Variants in PLXNC1 observed in about 807,000 individuals in gnomAD.
PLXNC1 encodes plexin-C1.
In PLXNC1, 75 loss-of-function variants were observed where a neutral mutation model predicts 178.2. The observed-to-expected ratio is 0.42, with a 90% CI of 0.35 to 0.51. The LOEUF (loss-of-function observed/expected upper bound fraction) is 0.51, where lower values mean the gene tolerates loss of function less well. Ranked by LOEUF, PLXNC1 falls within the 20% of genes least tolerant of loss-of-function variation. The pLI is 0.02. For synonymous variants in PLXNC1, 790 were observed against 779.9 expected, an observed-to-expected ratio of 1.01 and a Z score of -0.22; for missense variants, 1,503 against 1,984.4, an observed-to-expected ratio of 0.76 and a Z score of 4.61.
intron 4 of PLXNC1, among the ~76,000 whole-genome samples, chr12:94,207,274 A>G (rs1963328960): frequency 6.6e-6 from 1 of 152,126 alleles, no homozygotes; most frequent in African/African-American, 2.4e-5. Flanking sequence ...TAGTTGCTTA[A>G]CATGGTTAGA....
chr12:94,241,167 T>G lies in PLXNC1; in HGVS notation c.2300+503T>G, dbSNP rs118072428. On this transcript the variant is annotated intron_variant, in intron 11 of 30. Transcript: ENST00000258526. ...AAATCCAATATGTTAAGAAAAACAT[T>G]TATCTCCCTAGTTGAATTTTTAAAT... Among the ~76,000 whole-genome samples, 1,279 of 152,290 alleles carry G rather than the reference T, an allele frequency of 8.4e-3. 7 individuals are homozygous for G. The highest frequency in any genetic ancestry group is 0.013 in the Non-Finnish European group (914 of 68,022).
intron 18 of PLXNC1, 65 bp downstream of exon 18, chr12:94,259,440 A>G: frequency 1.6e-6 from 2 of 1,286,878 alleles, no homozygotes; most frequent in South Asian, 2.7e-5. Context: ...TATCATCATC[A>G]CTATCATCTC....
intron 4 of PLXNC1, among the ~76,000 whole-genome samples, chr12:94,208,554 G>T (rs1489806949): frequency 1.3e-5 from 2 of 152,164 alleles, no homozygotes; most frequent in Admixed American, 6.5e-5. Context: ...GCTGAATGTG[G>T]TCATCATTTG....
At chr12:94,156,704 CTTTCTTT>C (rs1202236045) in intron 1 of PLXNC1, among the ~76,000 whole-genome samples, 43 of 129,950 alleles carry the variant, frequency 3.3e-4, no homozygotes, top group African/African-American at 8.9e-4. Flanking sequence ...TGGAAACTTT[CTTTCTTT>C]TTTTTTTTTT....
At chr12:94,296,171 CTTTATT>C (rs1175007434) in intron 24 of PLXNC1, among the ~76,000 whole-genome samples, 2 of 152,098 alleles carry the variant, frequency 1.3e-5, no homozygotes, top group African/African-American at 2.4e-5. Context: ...TCTCTCTCAT[CTTTATT>C]TTTAAGACAG....
rs764109569 is a variant in PLXNC1, at chr12:94,254,848, A to G, written c.2943A>G (p.Leu981=). 4 of 1,612,086 alleles carry G rather than the reference A, an allele frequency of 2.5e-6. No homozygotes were observed. In the South Asian group the frequency reaches 4.4e-5, roughly 18 times the overall value. The change falls in exon 16 of 31, where the codon CTA becomes CTG. Residue 981 remains leucine (L), a synonymous_variant. Transcript: ENST00000258526. The stretch of plus-strand genomic sequence containing the variant: ...TGAGTCGCAAACAGAGTCAACAACT[A>G]GAATTGCTGGAAAGCGAGCTCCGGA... ...KELSRKQSQQ[L]ELLESELRKE...
chr12:94,258,102 G>A (rs1306340027), intron 17 of PLXNC1, among the ~76,000 whole-genome samples: 1 of 152,034 alleles, frequency 6.6e-6, no homozygotes, highest in Non-Finnish European at 1.5e-5. Context: ...ACTCCTGCCC[G>A]GGCGACAGAG....
chr12:94,259,192 T>C (rs1313716453), intron 17 of PLXNC1, 145 bp from the exon 18 acceptor site: 1 of 603,564 alleles, frequency 1.7e-6, no homozygotes, highest in African/African-American at 2.0e-5. Context: ...TATTAGAGAA[T>C]ACGCAGCCAC....
At chr12:94,246,370 C>G (rs832518) in intron 12 of PLXNC1, among the ~76,000 whole-genome samples, 16,976 of 152,112 alleles carry the variant, frequency 0.11, 1,144 homozygotes, top group East Asian at 0.28. Flanking sequence ...GCTGGGGCAT[C>G]GTGAAGCTAG....
At chr12:94,228,316 G>A (rs556115068) in intron 9 of PLXNC1, among the ~76,000 whole-genome samples, 84 of 152,288 alleles carry the variant, frequency 5.5e-4, no homozygotes, top group African/African-American at 1.9e-3. Context: ...AAGACACAGC[G>A]ACAAGGACTT....
intron 3 of PLXNC1, among the ~76,000 whole-genome samples, chr12:94,183,577 A>C (rs1001618314): frequency 6.6e-6 from 1 of 152,232 alleles, no homozygotes; most frequent in Admixed American, 6.5e-5. Flanking sequence ...TCCAACCCAA[A>C]GCAAAGAAAC....
intron 1 of PLXNC1, among the ~76,000 whole-genome samples, chr12:94,164,704 C>T (rs1326250903): frequency 6.8e-6 from 1 of 147,824 alleles, no homozygotes; most frequent in Non-Finnish European, 1.5e-5. Context: ...CACACACACA[C>T]ACGTACACAC....
At chr12:94,289,864 A>C (rs745513130) in intron 23 of PLXNC1, among the ~76,000 whole-genome samples, 10 of 152,148 alleles carry the variant, frequency 6.6e-5, no homozygotes, top group Non-Finnish European at 1.3e-4. Flanking sequence ...ACACACACAC[A>C]ACTCATCCAC....
At chr12:94,187,256 A>G (rs1025962599) in intron 4 of PLXNC1, among the ~76,000 whole-genome samples, 2 of 151,990 alleles carry the variant, frequency 1.3e-5, no homozygotes, top group Non-Finnish European at 2.9e-5. Context: ...TGAAAAGGAT[A>G]AGAAAGAGCA....
At chr12:94,235,978 C>T (rs1022692994) in intron 9 of PLXNC1, among the ~76,000 whole-genome samples, 9 of 152,044 alleles carry the variant, frequency 5.9e-5, no homozygotes, top group East Asian at 1.9e-4. Flanking sequence ...CACGTAAGAG[C>T]GAAGAGTAAG....
chr12:94,250,225 T>C (rs567850793), intron 14 of PLXNC1, among the ~76,000 whole-genome samples: 2 of 152,100 alleles, frequency 1.3e-5, no homozygotes, highest in Non-Finnish European at 2.9e-5. Flanking sequence ...CAACAGGAGA[T>C]GATTAGAACC....
intron 20 of PLXNC1, chr12:94,262,494 G>A (rs767687086): frequency 1.0e-6 from 1 of 985,502 alleles, no homozygotes; most frequent in Non-Finnish European, 1.2e-6. Context: ...CAGCCTCCTT[G>A]AGCAAAGCAT....
intron 21 of PLXNC1, among the ~76,000 whole-genome samples, chr12:94,274,520 G>C (rs1385609137): frequency 6.6e-6 from 1 of 152,176 alleles, no homozygotes; most frequent in South Asian, 2.1e-4. Context: ...CGACAAACCA[G>C]ATCTGCCACC....
At position 94,275,833 on chromosome 12, in the gene PLXNC1, C is replaced by T. The variant is rs995114786; in HGVS notation, c.3598-3639C>T. On this transcript the variant is annotated intron_variant, in intron 21 of 30. Transcript: ENST00000258526. ...TCCCGCCACTGCACTCCAGCCTGGGCGACAGAGCGAGACTCCGTCTCAAAA... is the reference window on the plus strand; with the variant it reads ...TCCCGCCACTGCACTCCAGCCTGGGTGACAGAGCGAGACTCCGTCTCAAAA... Among the ~76,000 whole-genome samples the T allele has an allele frequency of 2.1e-3, 140 of 66,500 alleles. 19 individuals carry two copies. Among genetic ancestry groups the T allele is most frequent in the African/African-American group, 8.9e-3 (128 of 14,454 alleles). The allele number at this position is 66,500 out of a possible 152,430, so 43.6% of individuals were successfully genotyped here.
Sources: gnomAD v4.1 joint callset for allele counts (sites outside exome capture counted in the v4.1 genomes callset) on GRCh38, gnomAD v4.1.1 for gene constraint, MANE v1.5 for transcripts, NCBI Gene and HGNC (gene_info 2026-07-23, HGNC 2026-07-21) for gene names.